The following RBM39 variants were observed in gnomAD, a reference collection of about 807,000 sequenced individuals.
RBM39 encodes RNA-binding protein 39.
RBM39 carries 12 observed loss-of-function variants against 79.6 expected under a neutral mutation model. The observed-to-expected ratio is 0.15, with a 90% CI of 0.10 to 0.24. RBM39 has a LOEUF of 0.24. Ranked by LOEUF, RBM39 falls within the 10% of genes least tolerant of loss-of-function variation. The pLI, the probability that RBM39 is intolerant of heterozygous loss-of-function variation, is 1.00. For synonymous variants in RBM39, 185 were observed against 208.4 expected (o/e 0.89, Z 0.97); for missense variants, 243 against 653.4 (o/e 0.37, Z 6.85).
At chr20:35,714,496 G>A in intron 10 of RBM39, 107 bp from the exon 11 acceptor site, 1 of 1,376,884 alleles carries the variant, frequency 7.3e-7, no homozygotes, top group South Asian at 1.8e-5. Flanking sequence ...AATTACTTCT[G>A]AATACTAAGG....
intron 4 of RBM39, chr20:35,731,421 A>G (rs13038622): frequency 0.1 from 15,998 of 153,006 alleles, 869 homozygotes; most frequent in South Asian, 0.14. Context: ...AGCCCAAAAA[A>G]GGATCTTTAT....
At chr20:35,717,882 G>A (rs908665321) in intron 9 of RBM39, among the ~76,000 whole-genome samples, 6 of 150,410 alleles carry the variant, frequency 4.0e-5, no homozygotes, top group Non-Finnish European at 7.4e-5. Context: ...TTTTTGAGAC[G>A]GAGTCTCGCT....
chr20:35,720,698 A>C lies in RBM39; in HGVS notation c.825+1042T>G, dbSNP rs2037807633. Among the ~76,000 whole-genome samples, 3 of 152,070 alleles carry C rather than the reference A, an allele frequency of 2.0e-5. No homozygotes were observed. In the South Asian group the frequency reaches 6.2e-4, roughly 32 times the overall value. On this transcript the variant is annotated intron_variant, in intron 9 of 16. Coordinates refer to ENST00000253363, the MANE Select transcript of RBM39 (RefSeq NM_184234.3). Reference sequence around the variant, plus strand: ...AAGCAAGAGAATCGCTTGAACACAGAGAGGAGGAGTTTGCAGCGAGGCGAG... The same window carrying C: ...AAGCAAGAGAATCGCTTGAACACAGCGAGGAGGAGTTTGCAGCGAGGCGAG...
Position 35,741,993 on chromosome 20 carries a change from C to T in RBM39, c.-66G>A, listed in dbSNP as rs891689825. 1.2e-5 allele frequency: 2 copies of T among 165,152 alleles called. No homozygotes were observed. The highest frequency in any genetic ancestry group is 2.2e-5 in the Non-Finnish European group (2 of 92,652). 10.2% of individuals were successfully genotyped at this position (165,152 alleles called of 1,614,324 possible). On this transcript the variant is annotated 5_prime_UTR_variant, in exon 1 of 17. Coordinates refer to ENST00000253363, the MANE Select transcript of RBM39 (RefSeq NM_184234.3). ...GCTCGTGTTCGGGAAGAGATTGCTG[C>T]TGCTGCTGCTGCTGCTGCCGCCGCC...
In RBM39 at chr20:35,732,114, T is replaced by C. The variant is rs771836066; in HGVS notation, c.123A>G (p.Arg41=). 2 of 1,614,120 alleles carry C rather than the reference T, an allele frequency of 1.2e-6. No individual in the cohort carries two copies. Among genetic ancestry groups the C allele is most frequent in the Admixed American group, 1.7e-5 (1 of 60,004 alleles). The change falls in exon 4 of 17, where the codon AGA becomes AGG. Residue 41 remains arginine, a synonymous_variant. Transcript: ENST00000253363. ...TTCTCTTTCGTTCATGACTACGACT[T>C]CTGCTCTTGCTTTTTTTCCTCCTGA... ...RSKKRKKSKS[R]SRSHERKRSK...
intron 6 of RBM39, among the ~76,000 whole-genome samples, chr20:35,728,160 C>G (rs2038968205): frequency 6.6e-6 from 1 of 152,200 alleles, no homozygotes; most frequent in African/African-American, 2.4e-5. Context: ...CAATTCAAAT[C>G]ACTAAGACTT....
chr20:35,734,307 T>C (rs2039684891), intron 3 of RBM39: 5 of 1,077,836 alleles, frequency 4.6e-6, no homozygotes, highest in Non-Finnish European at 5.1e-6. Context: ...ATATGCTAGG[T>C]AGCACATGAC....
At chr20:35,716,964 A>T (rs1474539566) in intron 9 of RBM39, among the ~76,000 whole-genome samples, 159 bp from the exon 10 acceptor site, 1 of 152,008 alleles carries the variant, frequency 6.6e-6, no homozygotes, top group Non-Finnish European at 1.5e-5. Context: ...TAAGTCTAGA[A>T]ACTATAATTT....
At chr20:35,717,077 T>G (rs2037227406) in intron 9 of RBM39, among the ~76,000 whole-genome samples, 1 of 152,038 alleles carries the variant, frequency 6.6e-6, no homozygotes, top group South Asian at 2.1e-4. Context: ...GTCAGGAGTT[T>G]GGGACCAGCC....
At chr20:35,704,967 T>TG in intron 15 of RBM39, 1 of 592,106 alleles carries the variant, frequency 1.7e-6, no homozygotes, top group Non-Finnish European at 2.9e-6. Context: ...GTATGCAGCC[T>TG]AAGAATGAAT....
At chr20:35,715,556 T>C (rs2037006017) in intron 10 of RBM39, among the ~76,000 whole-genome samples, 2 of 152,206 alleles carry the variant, frequency 1.3e-5, no homozygotes, top group Non-Finnish European at 2.9e-5. Context: ...TAAAAAAGAA[T>C]CGTTAACAGA....
At chr20:35,721,672 T>A (rs963283955) in intron 9 of RBM39, 68 bp downstream of exon 9, 2 of 1,520,240 alleles carry the variant, frequency 1.3e-6, no homozygotes, top group Non-Finnish European at 1.8e-6. Flanking sequence ...AAGCAAGACA[T>A]ACAGAAATTA....
rs755885356 is a variant in RBM39 at position 35,724,742 on chromosome 20, G to A, written c.535-20C>T. ...TCGAACCTAGAAAGAAAACACAGTT[G>A]TTTGTGCAAACATCCATTGTAACAC... On this transcript the variant is annotated intron_variant, in intron 7 of 16. Coordinates refer to ENST00000253363, the MANE Select transcript of RBM39 (RefSeq NM_184234.3). The A allele has an allele frequency of 6.2e-7, 1 of 1,611,172 alleles. No individual in the cohort carries two copies. Among genetic ancestry groups the A allele is most frequent in the Non-Finnish European group, 8.5e-7 (1 of 1,177,698 alleles).
intron 9 of RBM39, among the ~76,000 whole-genome samples, chr20:35,720,627 C>T (rs1430501585): frequency 2.0e-5 from 3 of 151,112 alleles, no homozygotes; most frequent in Non-Finnish European, 1.5e-5. Flanking sequence ...AAAAATTAGT[C>T]GAGCATGATG....
At chr20:35,733,664 G>A (rs192980853) in intron 3 of RBM39, among the ~76,000 whole-genome samples, 1 of 152,230 alleles carries the variant, frequency 6.6e-6, no homozygotes, top group East Asian at 1.9e-4. Flanking sequence ...GACATTCCTA[G>A]ACTTTAATGT....
intron 9 of RBM39, among the ~76,000 whole-genome samples, chr20:35,718,406 G>T (rs999453226): frequency 6.6e-6 from 1 of 152,070 alleles, no homozygotes; most frequent in Non-Finnish European, 1.5e-5. Context: ...AAACATTTAG[G>T]CTGGGCTCGG....
intron 3 of RBM39, chr20:35,734,892 A>T: frequency 6.5e-7 from 1 of 1,548,852 alleles, no homozygotes; most frequent in Non-Finnish European, 8.7e-7. Flanking sequence ...ATCCTGTTAC[A>T]ACTTAAAAGG....
Position 35,721,613 on chromosome 20 carries a change from T to A in RBM39, c.825+127A>T, listed in dbSNP as rs2037950545. On this transcript the variant is annotated intron_variant, in intron 9 of 16. Transcript: ENST00000253363. ...TAATCTATGTTGTCACAGAAATTTT[T>A]ATAAAACCAGCCCTTATCCTCTTAA... 5 of 1,109,588 alleles carry A rather than the reference T, an allele frequency of 4.5e-6. No homozygotes were observed. In the Admixed American group the frequency reaches 1.4e-4, roughly 32 times the overall value. The allele number at this position is 1,109,588 out of a possible 1,614,324, so 68.7% of individuals were successfully genotyped here.
chr20:35,718,192 AC>A (rs1465258657), intron 9 of RBM39, among the ~76,000 whole-genome samples: 2 of 152,034 alleles, frequency 1.3e-5, no homozygotes, highest in African/African-American at 4.8e-5. Flanking sequence ...AGTATATTTT[AC>A]CAAAATTTTA....
Sources: gnomAD v4.1 joint callset for allele counts (sites outside exome capture counted in the v4.1 genomes callset) on GRCh38, gnomAD v4.1.1 for gene constraint, MANE v1.5 for transcripts, NCBI Gene and HGNC (gene_info 2026-07-23, HGNC 2026-07-21) for gene names.